PREX1: variants seen among roughly 807,000 people sequenced by gnomAD.
PREX1 encodes phosphatidylinositol-3,4,5-trisphosphate dependent Rac exchange factor 1, also known as phosphatidylinositol 3,4,5-trisphosphate-dependent Rac exchanger 1 protein.
In PREX1, 41 loss-of-function variants were observed where a neutral mutation model predicts 198.3. The observed-to-expected ratio is 0.21, with a 90% confidence interval of 0.16 to 0.27. The LOEUF is 0.27. Among genes scored for constraint, PREX1 ranks in the 10% least tolerant of loss-of-function variants. The probability of loss-of-function intolerance (pLI) is 1.00; values close to 1 mark genes in which losing one functional copy is unlikely to be tolerated. For synonymous variants in PREX1, 843 were observed against 887.2 expected (o/e 0.95, Z 0.89); for missense variants, 1,620 against 2,200.7 (o/e 0.74, Z 5.28).
intron 5 of PREX1, among the ~76,000 whole-genome samples, chr20:48,713,214 A>C (rs980524057): frequency 2.0e-5 from 3 of 152,078 alleles, no homozygotes; most frequent in African/African-American, 7.2e-5. Flanking sequence ...CACTTTGGGA[A>C]GCCAAGGCGG....
intron 2 of PREX1, among the ~76,000 whole-genome samples, chr20:48,745,755 T>C (rs2090104720): frequency 6.6e-6 from 1 of 152,252 alleles, no homozygotes; most frequent in African/African-American, 2.4e-5. Context: ...TCCTACATTT[T>C]AGAATTTAAC....
At chr20:48,721,283 G>C (rs111918050) in intron 5 of PREX1, among the ~76,000 whole-genome samples, 7,198 of 152,284 alleles carry the variant, frequency 0.047, 344 homozygotes, top group African/African-American at 0.12. Context: ...AAGCGTCCCA[G>C]GACAGAATGT....
At chr20:48,648,745 T>C (rs931029075) in intron 25 of PREX1, among the ~76,000 whole-genome samples, 1 of 152,160 alleles carries the variant, frequency 6.6e-6, no homozygotes, top group Non-Finnish European at 1.5e-5. Flanking sequence ...TTCCCCATCA[T>C]TCGTTGATGA....
intron 1 of PREX1, among the ~76,000 whole-genome samples, chr20:48,818,556 C>T (rs117580339): frequency 0.014 from 2,142 of 152,356 alleles, 24 homozygotes; most frequent in Middle Eastern, 0.048. Flanking sequence ...TCAACTGCAA[C>T]GGCCCTGGCC....
the PREX1 span, among the ~76,000 whole-genome samples, chr20:48,864,762 T>C: frequency 6.6e-6 from 1 of 152,206 alleles, no homozygotes; most frequent in East Asian, 1.9e-4. Flanking sequence ...TTGTTTTTCA[T>C]GGTTCTGAGA....
At chr20:48,883,590 A>C in the PREX1 span, among the ~76,000 whole-genome samples, 1 of 152,130 alleles carries the variant, frequency 6.6e-6, no homozygotes, top group Non-Finnish European at 1.5e-5. Context: ...ATCTCTATGA[A>C]GTGTCAATGA....
chr20:48,649,284 C>A lies in PREX1; in HGVS notation c.3305+16G>T, dbSNP rs374953524. ...CCTGCCCCTGCTCACGCCGGACACC[C>A]CCGGCCAGCGCTCACCTGTTGATCT... is the stretch of plus-strand genomic sequence containing the variant. On this transcript the variant is annotated intron_variant, in intron 25 of 39. Coordinates refer to ENST00000371941, the MANE Select transcript of PREX1 (RefSeq NM_020820.4). 5 of 1,606,844 alleles carry A rather than the reference C, an allele frequency of 3.1e-6. No homozygotes were observed. Among genetic ancestry groups the A allele is most frequent in the Non-Finnish European group, 4.3e-6 (5 of 1,174,730 alleles).
At position 48,684,109 on chromosome 20, in the gene PREX1, G is replaced by A. The variant is rs2089770444; in HGVS notation, c.1335-2774C>T. ...CATGGTGAGCTGAGAGTTAGGATGT[G>A]TCAGCTTTCATCCCTCCTTCCTTCC... On this transcript the variant is annotated intron_variant, in intron 10 of 39. Coordinates refer to ENST00000371941, the MANE Select transcript of PREX1 (RefSeq NM_020820.4). The surrounding 1 kb of genome is among the most constrained non-coding windows in gnomAD (Gnocchi z 4.2). Among the ~76,000 whole-genome samples the A allele has an allele frequency of 6.6e-6, 1 of 152,134 alleles. No homozygotes were observed. The highest frequency in any genetic ancestry group is 2.4e-5 in the African/African-American group (1 of 41,426).
chr20:48,792,551 C>T (rs2090343152), intron 1 of PREX1, among the ~76,000 whole-genome samples: 1 of 152,238 alleles, frequency 6.6e-6, no homozygotes, highest in South Asian at 2.1e-4. Context: ...TGAACTCACT[C>T]AATCGTCCCA....
At chr20:48,837,812 A>G in the PREX1 span, among the ~76,000 whole-genome samples, 1 of 152,068 alleles carries the variant, frequency 6.6e-6, no homozygotes, top group African/African-American at 2.4e-5. Context: ...GTACCCCTGA[A>G]CCTAAAATAA....
chr20:48,645,167 G>A (rs576477171), intron 26 of PREX1, among the ~76,000 whole-genome samples: 27 of 152,308 alleles, frequency 1.8e-4, no homozygotes, highest in African/African-American at 6.0e-4. Flanking sequence ...TTCACGCTGC[G>A]AGGACTGGGG....
chr20:48,673,343 A>G (rs1281918428), intron 14 of PREX1, among the ~76,000 whole-genome samples: 1 of 152,158 alleles, frequency 6.6e-6, no homozygotes, highest in Admixed American at 6.5e-5. Flanking sequence ...AGCCATTCCC[A>G]CAGCAGTGCA....
At chr20:48,762,701 C>CTTTTTT (rs397816054) in intron 1 of PREX1, among the ~76,000 whole-genome samples, 3 of 128,098 alleles carry the variant, frequency 2.3e-5, no homozygotes, top group Non-Finnish European at 3.3e-5. Context: ...TATGAAGTTT[C>CTTTTTT]TTTTTTTTTT....
At chr20:48,636,344 C>T in intron 32 of PREX1, 119 bp downstream of exon 32, 4 of 1,043,444 alleles carry the variant, frequency 3.8e-6, no homozygotes, top group Non-Finnish European at 5.4e-6. Context: ...CAAATAGCTG[C>T]TGCGGGAATG....
Position 48,692,795 on chromosome 20 carries a change from T to C in PREX1, c.918-5A>G. On this transcript the variant is annotated splice_polypyrimidine_tract_variant and splice_region_variant and intron_variant, in intron 7 of 39. Transcript: ENST00000371941. The stretch of plus-strand genomic sequence containing the variant: ...GACTTCTTGCTCCCGGTGACCCTGA[T>C]AGACAGTGAGAAGTCAGTGTCCCCT... The C allele has an allele frequency of 1.2e-6, 2 of 1,611,980 alleles. No homozygotes were observed. Among genetic ancestry groups the C allele is most frequent in the Non-Finnish European group, 1.7e-6 (2 of 1,178,142 alleles).
intron 1 of PREX1, among the ~76,000 whole-genome samples, chr20:48,772,894 CACA>C (rs1293806867): frequency 6.6e-6 from 1 of 152,178 alleles, no homozygotes; most frequent in Non-Finnish European, 1.5e-5. Context: ...AAACAGGATC[CACA>C]ACAAGAGCTA....
intron 36 of PREX1, among the ~76,000 whole-genome samples, chr20:48,630,516 C>T (rs2089305357): frequency 1.3e-5 from 2 of 152,166 alleles, no homozygotes; most frequent in African/African-American, 2.4e-5. Context: ...CAGAGATGGG[C>T]GGCTGCCAGC....
At chr20:48,722,242 G>A (rs147630393) in intron 5 of PREX1, among the ~76,000 whole-genome samples, 373 of 152,286 alleles carry the variant, frequency 2.4e-3, no homozygotes, top group Middle Eastern at 6.8e-3. Flanking sequence ...TAAACACAAC[G>A]TGGTCCAGCC....
chr20:48,773,033 G>A lies in PREX1; in HGVS notation c.220-25153C>T, dbSNP rs555900917. On this transcript the variant is annotated intron_variant, in intron 1 of 39. Coordinates refer to ENST00000371941, the MANE Select transcript of PREX1 (RefSeq NM_020820.4). Reference sequence around the variant, plus strand: ...TGTAATCCCAGCACTTTAGGAGGCCGAGGGAGGCAAATCACCTGAGGTCAG... The same window carrying A: ...TGTAATCCCAGCACTTTAGGAGGCCAAGGGAGGCAAATCACCTGAGGTCAG... Among the ~76,000 whole-genome samples the A allele has an allele frequency of 5.3e-4, 80 of 152,240 alleles. 1 individual carries two copies. Among genetic ancestry groups the A allele is most frequent in the African/African-American group, 1.9e-3 (78 of 41,544 alleles).
Sources: gnomAD v4.1 joint callset for allele counts (sites outside exome capture counted in the v4.1 genomes callset) on GRCh38, gnomAD v4.1.1 for gene constraint, Gnocchi (gnomAD v3.1) non-coding constraint, MANE v1.5 for transcripts, NCBI Gene and HGNC (gene_info 2026-07-23, HGNC 2026-07-21) for gene names.